The following NOTCH2NLR variants were observed in gnomAD, a reference collection of about 807,000 sequenced individuals.
The protein encoded by NOTCH2NLR is notch 2 N-terminal like R, also known as notch 2 N-terminal like R (pseudogene).
Under a neutral mutation model 35.6 loss-of-function variants are expected in NOTCH2NLR, and 33 were observed. The observed-to-expected ratio is 0.93, with a 90% CI of 0.70 to 1.24. The LOEUF (loss-of-function observed/expected upper bound fraction) is 1.24, where lower values mean the gene tolerates loss of function less well. Among genes scored for constraint, NOTCH2NLR ranks in the 50% most tolerant of loss-of-function variants. The pLI is 0.00. For synonymous variants in NOTCH2NLR, 103 were observed against 141.0 expected (o/e 0.73, Z 1.91); for missense variants, 276 against 362.2 (o/e 0.76, Z 1.93).
At chr1:120,760,210 T>C (rs2101400968) in intron 1 of NOTCH2NLR, among the ~76,000 whole-genome samples, 1 of 65,580 alleles carries the variant, frequency 1.5e-5, no homozygotes, top group South Asian at 4.2e-4. Flanking sequence ...TTTTTTGAGA[T>C]GGAGTCTCTC....
intron 1 of NOTCH2NLR, among the ~76,000 whole-genome samples, chr1:120,728,029 A>G (rs1463538759): frequency 7.6e-5 from 9 of 118,916 alleles, no homozygotes; most frequent in African/African-American, 4.3e-4. Context: ...AGAGCCAATT[A>G]GAGTTGAGAC....
intron 1 of NOTCH2NLR, among the ~76,000 whole-genome samples, chr1:120,758,709 C>T: frequency 2.0e-5 from 1 of 50,818 alleles, no homozygotes. Flanking sequence ...CAGCCTGCCT[C>T]CCTGGCCTCT....
Position 120,745,316 on chromosome 1 carries a change from A to G in NOTCH2NLR, c.74-18312A>G, listed in dbSNP as rs1650969614. 3.7e-5 allele frequency among the ~76,000 whole-genome samples: 3 copies of G among 81,966 alleles called. 1 individual carries two copies. The highest frequency in any genetic ancestry group is 6.5e-5 in the Non-Finnish European group (3 of 46,154). The allele number at this position is 81,966 out of a possible 152,430, so 53.8% of individuals were successfully genotyped here. On this transcript the variant is annotated intron_variant, in intron 1 of 4. Coordinates refer to ENST00000624419, the Ensembl canonical transcript of NOTCH2NLR. ...AAAAGGGTAGAATAGAGAGTATCAC[A>G]TAGTATGGACAAGCATTGTTTCTTG...
chr1:120,790,535 C>CCTTCCTTTCTTTCTTTCTTT, intron 3 of NOTCH2NLR, among the ~76,000 whole-genome samples: 1 of 76,714 alleles, frequency 1.3e-5, no homozygotes, highest in East Asian at 3.2e-4. Flanking sequence ...TTTCTCCCTC[C>CCTTCCTTTCTTTCTTTCTTT]CTTTCTTTCT....
rs1360870890 is a variant in NOTCH2NLR at position 120,727,392 on chromosome 1, G to A, written c.73+3142G>A. Among the ~76,000 whole-genome samples the A allele has an allele frequency of 7.8e-5, 9 of 115,908 alleles. 2 individuals are homozygous for A. The highest frequency in any genetic ancestry group is 9.9e-5 in the Non-Finnish European group (6 of 60,744). 76.0% of individuals were successfully genotyped at this position (115,908 alleles called of 152,430 possible). ...AGTCATTCCAGTGTTTAACGCTTCT[G>A]ACTCAAGAATTTTAAAATTGCTAAC... On this transcript the variant is annotated intron_variant, in intron 1 of 4. Transcript: ENST00000624419.
chr1:120,764,344 C>A (rs1381565226), intron 2 of NOTCH2NLR, among the ~76,000 whole-genome samples: 6 of 101,356 alleles, frequency 5.9e-5, no homozygotes, highest in Non-Finnish European at 1.1e-4. Context: ...TAACATGTTA[C>A]CTATTATCTT....
rs2101454440 is a variant in NOTCH2NLR, at chr1:120,785,079, A to G, written c.261A>G (p.Lys87=). The change falls in exon 3 of 5, where the codon AAA becomes AAG. Residue 87 remains lysine, a synonymous_variant. Transcript: ENST00000624419. ...GTGTGGCCCAGGCCATGCTGGGGAA[A>G]GCCACGTGCCGGTGTGCCTCAGGGT... 9.0e-6 allele frequency: 13 copies of G among 1,446,192 alleles called. 1 individual carries two copies. The East Asian group carries it at 3.0e-4, about 34-fold the overall frequency. 89.6% of individuals were successfully genotyped at this position (1,446,192 alleles called of 1,614,324 possible). A position where few individuals can be genotyped will look rare whatever the true frequency, so the allele number is the denominator to read the frequency against.
intron 2 of NOTCH2NLR, among the ~76,000 whole-genome samples, chr1:120,781,817 C>A (rs1196476712): frequency 8.5e-6 from 1 of 117,458 alleles, no homozygotes; most frequent in Admixed American, 8.2e-5. Flanking sequence ...CTCGGCCTCC[C>A]AAAGTGCTGA....
exon 2 of NOTCH2NLR, chr1:120,763,694 G>C: frequency 2.2e-6 from 3 of 1,385,756 alleles, no homozygotes; most frequent in Non-Finnish European, 2.9e-6. Context: ...TACCACAGTG[G>C]CACAGGATAC....
intron 1 of NOTCH2NLR, among the ~76,000 whole-genome samples, chr1:120,752,519 A>AATATATATATAT (rs1204399606): frequency 2.0e-3 from 29 of 14,640 alleles, no homozygotes; most frequent in East Asian, 8.3e-3. Context: ...GAAGTTCAGG[A>AATATATATATAT]ATATATATAT....
At chr1:120,745,934 G>T (rs1261838497) in intron 1 of NOTCH2NLR, among the ~76,000 whole-genome samples, 1 of 26,302 alleles carries the variant, frequency 3.8e-5, no homozygotes, top group Admixed American at 4.2e-4. Flanking sequence ...GCCTCACTCT[G>T]TCACCCAGAC....
At chr1:120,778,591 A>C (rs1245679007) in intron 2 of NOTCH2NLR, among the ~76,000 whole-genome samples, 1 of 31,946 alleles carries the variant, frequency 3.1e-5, no homozygotes, top group Admixed American at 3.3e-4. Context: ...TTTTTTTTTG[A>C]ATGGCCAAAT....
At chr1:120,756,729 G>A (rs1651085261) in intron 1 of NOTCH2NLR, among the ~76,000 whole-genome samples, 1 of 115,588 alleles carries the variant, frequency 8.7e-6, no homozygotes, top group South Asian at 2.5e-4. Flanking sequence ...GTATGATACT[G>A]AAAAGCATTG....
rs1180870271 is a variant in NOTCH2NLR, at chr1:120,770,517, T to C, written c.155+6808T>C. Among the ~76,000 whole-genome samples the C allele has an allele frequency of 6.0e-5, 7 of 116,766 alleles. 1 individual carries two copies. Among genetic ancestry groups the C allele is most frequent in the Non-Finnish European group, 1.1e-4 (7 of 61,156 alleles). The allele number at this position is 116,766 out of a possible 152,430, so 76.6% of individuals were successfully genotyped here. ...AGATAGACTTAAGTTTGAGTCCTGA[T>C]TCCTATTAACAATTGGATCTTTGGC... is the stretch of plus-strand genomic sequence containing the variant. On this transcript the variant is annotated intron_variant, in intron 2 of 4. Transcript: ENST00000624419.
chr1:120,784,866 T>C lies in NOTCH2NLR; in HGVS notation c.156-108T>C. ...TTTATAGGTGGTACTTGTAGGTCTG[T>C]TGATTCACAATCTCGTGCTTTCTTG... is the stretch of plus-strand genomic sequence containing the variant. On this transcript the variant is annotated intron_variant, in intron 2 of 4. Transcript: ENST00000624419. 6 of 1,054,030 alleles carry C rather than the reference T, an allele frequency of 5.7e-6. 1 individual carries two copies. Among genetic ancestry groups the C allele is most frequent in the Non-Finnish European group, 8.1e-6 (6 of 743,820 alleles). The allele number at this position is 1,054,030 out of a possible 1,614,324, so 65.3% of individuals were successfully genotyped here.
chr1:120,790,601 TC>T (rs1651481075), intron 3 of NOTCH2NLR, among the ~76,000 whole-genome samples: 1 of 106,744 alleles, frequency 9.4e-6, no homozygotes. Context: ...TCTCTTTCTC[TC>T]TCTTTCCCTC....
chr1:120,724,796 T>G, intron 1 of NOTCH2NLR, among the ~76,000 whole-genome samples: 1 of 101,388 alleles, frequency 9.9e-6, no homozygotes, highest in East Asian at 2.3e-4. Context: ...CGCGCCTGAG[T>G]TTTGACACTC....
Position 120,764,280 on chromosome 1 carries a change from A to T in NOTCH2NLR, c.155+571A>T, listed in dbSNP as rs1182048706. ...ATAAAAAAAATATATAAAAAAATAT[A>T]TATTAGATTCCCTTGTGTTTTTCAG... On this transcript the variant is annotated intron_variant, in intron 2 of 4. Coordinates refer to ENST00000624419, the Ensembl canonical transcript of NOTCH2NLR. Among the ~76,000 whole-genome samples the T allele has an allele frequency of 3.7e-5, 4 of 107,514 alleles. 1 individual carries two copies. The highest frequency in any genetic ancestry group is 3.6e-4 in the Admixed American group (4 of 11,234). 70.5% of individuals were successfully genotyped at this position (107,514 alleles called of 152,430 possible). A position where few individuals can be genotyped will look rare whatever the true frequency, so the allele number is the denominator to read the frequency against.
At position 120,728,378 on chromosome 1, in the gene NOTCH2NLR, A is replaced by C. The variant is rs1226647224; in HGVS notation, c.73+4128A>C. On this transcript the variant is annotated intron_variant, in intron 1 of 4. Transcript: ENST00000624419. ...TTTGCAGGAGTCATGCTTACCTTACATTTGGGGAAAAACCAAATTTTTCCC... is the reference window on the plus strand; with the variant it reads ...TTTGCAGGAGTCATGCTTACCTTACCTTTGGGGAAAAACCAAATTTTTCCC... Among the ~76,000 whole-genome samples, 8 of 106,362 alleles carry C rather than the reference A, an allele frequency of 7.5e-5. 3 individuals carry two copies. Among genetic ancestry groups the C allele is most frequent in the African/African-American group, 3.6e-4 (6 of 16,580 alleles). The allele number at this position is 106,362 out of a possible 152,430, so 69.8% of individuals were successfully genotyped here.
Sources: allele counts gnomAD v4.1 joint callset (sites outside exome capture counted in the v4.1 genomes callset), GRCh38; gene constraint gnomAD v4.1.1; transcripts MANE v1.5; gene names NCBI Gene and HGNC (gene_info 2026-07-23, HGNC 2026-07-21).